The following ATP10B variants were observed in gnomAD, a reference collection of about 807,000 sequenced individuals.
ATP10B encodes the protein phospholipid-transporting ATPase VB.
A neutral mutation model predicts 141.2 loss-of-function variants in ATP10B; 122 were observed. The observed-to-expected ratio is 0.86, with a 90% CI of 0.75 to 1.00. The LOEUF is 1.00. Ranked by LOEUF, ATP10B falls within the 50% of genes least tolerant of loss-of-function variation. ATP10B has a pLI of 0.00. For synonymous variants in ATP10B, 685 were observed against 692.0 expected (o/e 0.99, Z 0.16); for missense variants, 1,876 against 1,825.3 (o/e 1.03, Z -0.51).
intron 12 of ATP10B, 193 bp downstream of exon 12, chr5:160,634,161 A>G (rs755915625): frequency 1.2e-6 from 1 of 829,480 alleles, no homozygotes; most frequent in Non-Finnish European, 2.1e-6. Context: ...TTTGTAAACA[A>G]ATGAAAGTTT....
rs1443319504 is a variant in ATP10B, at chr5:160,816,381, C to A, written c.-575-30578G>T. ...AGAGAATACTAGAAACACCCCTATG[C>A]AAATACACTAGAAAATCTAGAAGAA... On this transcript the variant is annotated intron_variant, in intron 1 of 25. Transcript: ENST00000327245. Among the ~76,000 whole-genome samples the A allele has an allele frequency of 2.0e-5, 3 of 152,070 alleles. No homozygotes were observed. In the South Asian group the frequency reaches 6.2e-4, roughly 32 times the overall value.
the ATP10B span, among the ~76,000 whole-genome samples, chr5:160,880,149 T>A: frequency 6.8e-6 from 1 of 147,262 alleles, no homozygotes; most frequent in South Asian, 2.2e-4. Flanking sequence ...GATTACATAA[T>A]ATATATAAAA....
At chr5:160,897,427 G>A in the ATP10B span, among the ~76,000 whole-genome samples, 1 of 152,154 alleles carries the variant, frequency 6.6e-6, no homozygotes, top group Non-Finnish European at 1.5e-5. Flanking sequence ...AATCATGAGT[G>A]AACTCCCATT....
chr5:160,745,061 G>C (rs1197742442), intron 2 of ATP10B, among the ~76,000 whole-genome samples: 1 of 152,194 alleles, frequency 6.6e-6, no homozygotes, highest in East Asian at 1.9e-4. Flanking sequence ...GTTGTTGTAA[G>C]GCTTAGATGA....
chr5:160,888,136 G>T, the ATP10B span, among the ~76,000 whole-genome samples: 1 of 152,236 alleles, frequency 6.6e-6, no homozygotes, highest in East Asian at 1.9e-4. Flanking sequence ...CAGGTCAAAA[G>T]TGTAGACTGG....
chr5:160,791,826 G>C (rs1771593432), intron 1 of ATP10B, among the ~76,000 whole-genome samples: 3 of 152,144 alleles, frequency 2.0e-5, no homozygotes. Flanking sequence ...TTATCACTAA[G>C]GAAATAAGAG....
At chr5:160,722,716 T>C (rs937665064) in intron 2 of ATP10B, among the ~76,000 whole-genome samples, 3 of 152,242 alleles carry the variant, frequency 2.0e-5, no homozygotes, top group Non-Finnish European at 2.9e-5. Context: ...CTCTTCACCC[T>C]GACAAGGGGC....
chr5:160,811,042 C>A (rs894804264), intron 1 of ATP10B, among the ~76,000 whole-genome samples: 2 of 152,196 alleles, frequency 1.3e-5, no homozygotes, highest in Admixed American at 1.3e-4. Context: ...ACCCAGCTCT[C>A]AGATGACATT....
At chr5:160,900,544 G>A in the ATP10B span, among the ~76,000 whole-genome samples, 1 of 152,092 alleles carries the variant, frequency 6.6e-6, no homozygotes, top group Non-Finnish European at 1.5e-5. Flanking sequence ...TTCCCAAATT[G>A]TCCTCATTCT....
chr5:160,686,091 C>A lies in ATP10B; in HGVS notation c.458G>T (p.Arg153Leu), dbSNP rs201710345. The change falls in exon 6 of 26, where the codon CGA becomes CTA. Residue 153 changes from arginine (R) to leucine (L), a missense_variant. Transcript: ENST00000327245. ...FDKAINCSNI[R>L]IYERKEQTYV... Reference sequence around the variant, plus strand: ...TGGTTTTTCTTACCTTTCATAAATTCGAATGTTGGAGCAGTTTATTGCTTT... The same window carrying A: ...TGGTTTTTCTTACCTTTCATAAATTAGAATGTTGGAGCAGTTTATTGCTTT... The A allele has an allele frequency of 4.5e-6, 7 of 1,562,416 alleles. No homozygotes were observed. The African/African-American group carries it at 8.1e-5, about 18-fold the overall frequency.
intron 22 of ATP10B, among the ~76,000 whole-genome samples, chr5:160,594,181 G>A (rs112771950): frequency 6.6e-6 from 1 of 152,216 alleles, no homozygotes; most frequent in Non-Finnish European, 1.5e-5. Context: ...CAGACTAACA[G>A]CTGATCTCTC....
At chr5:160,689,148 T>C (rs1193520591) in intron 3 of ATP10B, among the ~76,000 whole-genome samples, 1 of 152,228 alleles carries the variant, frequency 6.6e-6, no homozygotes, top group African/African-American at 2.4e-5. Flanking sequence ...CCTCAATAGA[T>C]GCAGAAAAGG....
At chr5:160,828,333 G>C (rs1305907903) in intron 1 of ATP10B, among the ~76,000 whole-genome samples, 6 of 152,270 alleles carry the variant, frequency 3.9e-5, no homozygotes, top group Admixed American at 6.5e-5. Context: ...CTAATATCCA[G>C]AATCTACAAT....
intron 25 of ATP10B, among the ~76,000 whole-genome samples, chr5:160,567,991 C>T (rs1276758635): frequency 6.6e-6 from 1 of 152,052 alleles, no homozygotes; most frequent in Non-Finnish European, 1.5e-5. Context: ...TGGTGAAAGG[C>T]TAGATATGGG....
intron 19 of ATP10B, among the ~76,000 whole-genome samples, chr5:160,604,376 T>G (rs1484281215): frequency 6.6e-6 from 1 of 152,158 alleles, no homozygotes; most frequent in African/African-American, 2.4e-5. Context: ...ACTTTACTGA[T>G]GAGCAAATGG....
the ATP10B span, among the ~76,000 whole-genome samples, chr5:160,874,160 G>T: frequency 1.3e-5 from 2 of 152,050 alleles, no homozygotes; most frequent in Non-Finnish European, 2.9e-5. Flanking sequence ...AGAGAGCAGT[G>T]GTTCTCCCAG....
chr5:160,904,116 G>A, the ATP10B span, among the ~76,000 whole-genome samples: 1 of 152,082 alleles, frequency 6.6e-6, no homozygotes. Flanking sequence ...AGGCAAGGAA[G>A]AGGCTAGTGT....
At chr5:160,903,981 G>GT in the ATP10B span, among the ~76,000 whole-genome samples, 1 of 152,172 alleles carries the variant, frequency 6.6e-6, no homozygotes, top group African/African-American at 2.4e-5. Context: ...TCACCTGACA[G>GT]TTTCTTCGCC....
chr5:160,814,860 C>T (rs938128547), intron 1 of ATP10B, among the ~76,000 whole-genome samples: 1 of 152,146 alleles, frequency 6.6e-6, no homozygotes, highest in Admixed American at 6.5e-5. Context: ...ATTTTTTAAC[C>T]CAGAATTTCA....
Sources: allele counts gnomAD v4.1 joint callset (sites outside exome capture counted in the v4.1 genomes callset), GRCh38; gene constraint gnomAD v4.1.1; transcripts MANE v1.5; gene names NCBI Gene and HGNC (gene_info 2026-07-23, HGNC 2026-07-21).